The following ASB14 variants were observed in gnomAD, a reference collection of about 807,000 sequenced individuals.
ASB14 encodes ankyrin repeat and SOCS box containing 14, also known as ankyrin repeat and SOCS box protein 14.
Under a neutral mutation model 55.6 loss-of-function variants are expected in ASB14, and 63 were observed. That is an observed-to-expected ratio of 1.13 (90% CI 0.92 to 1.40). The LOEUF (loss-of-function observed/expected upper bound fraction) is 1.40, where lower values mean the gene tolerates loss of function less well. ASB14 is among the 40% of genes most tolerant of loss of function. ASB14 has a pLI of 0.00. For missense variants in ASB14, 724 were observed against 710.4 expected, an observed-to-expected ratio of 1.02 and a Z score of -0.22; for synonymous variants, 256 against 259.9, an observed-to-expected ratio of 0.98 and a Z score of 0.15.
intron 8 of ASB14, 34 bp downstream of exon 8, chr3:57,278,343 C>A: frequency 1.3e-6 from 2 of 1,554,574 alleles, no homozygotes; most frequent in Non-Finnish European, 1.8e-6. Context: ...CAAATAATGA[C>A]TGTAAGGGAA....
At chr3:57,274,874 G>T (rs1473015054) in intron 10 of ASB14, among the ~76,000 whole-genome samples, 2 of 152,136 alleles carry the variant, frequency 1.3e-5, no homozygotes, top group Non-Finnish European at 2.9e-5. Flanking sequence ...TAAATGGTCA[G>T]CCATAGCCAG....
chr3:57,271,259 GATAA>G (rs2060937388), intron 10 of ASB14: 1 of 152,510 alleles, frequency 6.6e-6, no homozygotes, highest in African/African-American at 2.4e-5. Context: ...GTAGGAATAG[GATAA>G]TGATATATAG....
intron 10 of ASB14, chr3:57,271,340 A>C (rs1345387184): frequency 6.6e-6 from 1 of 152,620 alleles, no homozygotes; most frequent in Non-Finnish European, 1.5e-5. Flanking sequence ...GCTTTATGTT[A>C]CCAAAACATA....
intron 5 of ASB14, among the ~76,000 whole-genome samples, chr3:57,284,237 C>T (rs548292088): frequency 1.3e-5 from 2 of 152,136 alleles, no homozygotes; most frequent in African/African-American, 4.8e-5. Context: ...GTCAATCCTC[C>T]TGCCTTAGCC....
rs1559516473 is a variant in ASB14, at chr3:57,269,299, G to A, written c.*342C>T. 2 of 403,426 alleles carry A rather than the reference G, an allele frequency of 5.0e-6. No individual in the cohort carries two copies. Among genetic ancestry groups the A allele is most frequent in the South Asian group, 8.5e-5 (2 of 23,512 alleles). The allele number at this position is 403,426 out of a possible 1,614,324, so 25.0% of individuals were successfully genotyped here. On this transcript the variant is annotated 3_prime_UTR_variant, in exon 11 of 11. Transcript: ENST00000487349. ...GATGATGGGCTTTATTTGGTTGTTG[G>A]TCATAAAAAAAGAAAGATAAAATAT...
chr3:57,292,498 A>G (rs2061141998), intron 1 of ASB14, 135 bp downstream of exon 1: 1 of 153,258 alleles, frequency 6.5e-6, no homozygotes, highest in Non-Finnish European at 1.5e-5. Context: ...GAACAAATGT[A>G]TTCTCATAAT....
chr3:57,283,074 A>T (rs1641354704), intron 6 of ASB14, 120 bp downstream of exon 6: 2 of 1,351,206 alleles, frequency 1.5e-6, no homozygotes, highest in African/African-American at 2.9e-5. Flanking sequence ...CATAATTTTT[A>T]TCAAACATTT....
chr3:57,292,161 G>GA, intron 1 of ASB14, 57 bp from the exon 2 acceptor site: 1 of 1,086,826 alleles, frequency 9.2e-7, no homozygotes, highest in Non-Finnish European at 1.2e-6. Context: ...GATTAACAAT[G>GA]AAAAATATAC....
intron 9 of ASB14, among the ~76,000 whole-genome samples, chr3:57,277,225 C>A (rs1165690070): frequency 6.8e-6 from 1 of 146,252 alleles, no homozygotes; most frequent in Non-Finnish European, 1.5e-5. Flanking sequence ...TGTGATTGCA[C>A]CACTGCACTC....
At chr3:57,274,407 G>A (rs937089586) in intron 10 of ASB14, among the ~76,000 whole-genome samples, 1 of 152,168 alleles carries the variant, frequency 6.6e-6, no homozygotes, top group Admixed American at 6.5e-5. Flanking sequence ...TACAGGCCTG[G>A]CACACTGGCT....
At chr3:57,271,583 TAGTTC>T (rs2060940421) in intron 10 of ASB14, 2 of 152,240 alleles carry the variant, frequency 1.3e-5, no homozygotes, top group African/African-American at 4.8e-5. Flanking sequence ...TCACCTCACT[TAGTTC>T]AGATGAAATC....
intron 5 of ASB14, among the ~76,000 whole-genome samples, chr3:57,284,715 T>C (rs1307529145): frequency 6.6e-6 from 1 of 152,208 alleles, no homozygotes; most frequent in East Asian, 1.9e-4. Context: ...TACTATCTTA[T>C]AGACAAGGAA....
rs571862398 is a variant in ASB14 at position 57,289,352 on chromosome 3, G to C, written c.123-229C>G. 1.4e-4 allele frequency among the ~76,000 whole-genome samples: 21 copies of C among 152,284 alleles called. No individual in the cohort carries two copies. The South Asian group carries it at 4.3e-3, about 32-fold the overall frequency. On this transcript the variant is annotated intron_variant, in intron 2 of 10. Transcript: ENST00000487349. ...CTCTATCTGTCTTCCGCATTAGCCT[G>C]TTAGCTTCTTTAGGGCAAGGACTAT...
intron 10 of ASB14, chr3:57,271,234 T>C (rs920834390): frequency 6.6e-6 from 1 of 152,590 alleles, no homozygotes; most frequent in Non-Finnish European, 1.5e-5. Context: ...ACACTGTATA[T>C]GTACATTGTT....
intron 7 of ASB14, among the ~76,000 whole-genome samples, chr3:57,279,264 C>CTTTTTTTT (rs869152915): frequency 1.4e-4 from 12 of 88,030 alleles, no homozygotes; most frequent in South Asian, 5.0e-4. Flanking sequence ...AAGAGTTTTT[C>CTTTTTTTT]TTTTTTTTTT....
At chr3:57,276,093 G>A (rs1438641787) in intron 10 of ASB14, among the ~76,000 whole-genome samples, 1 of 152,106 alleles carries the variant, frequency 6.6e-6, no homozygotes. Context: ...AGATACTGCA[G>A]TGAGTTATCT....
At chr3:57,279,608 G>A (rs1381731190) in intron 7 of ASB14, among the ~76,000 whole-genome samples, 2 of 151,746 alleles carry the variant, frequency 1.3e-5, no homozygotes, top group African/African-American at 4.8e-5. Context: ...TGAGGCAGGA[G>A]AATTGCTTGA....
chr3:57,276,486 T>C, intron 10 of ASB14, 42 bp downstream of exon 10: 4 of 1,429,114 alleles, frequency 2.8e-6, no homozygotes, highest in South Asian at 1.3e-5. Context: ...ATATGAATCA[T>C]ACATAAGTGA....
intron 6 of ASB14, 94 bp from the exon 7 acceptor site, chr3:57,280,567 T>C (rs778805050): frequency 1.4e-4 from 159 of 1,102,506 alleles, no homozygotes; most frequent in Middle Eastern, 5.0e-4. Flanking sequence ...CAAAAAGCAA[T>C]TAGTGAGCAC....
Sources: allele counts gnomAD v4.1 joint callset (sites outside exome capture counted in the v4.1 genomes callset), GRCh38; gene constraint gnomAD v4.1.1; transcripts MANE v1.5; gene names NCBI Gene and HGNC (gene_info 2026-07-23, HGNC 2026-07-21).